STK10: variants seen among roughly 807,000 people sequenced by gnomAD.
The protein encoded by STK10 is serine/threonine-protein kinase 10.
In STK10, 78 loss-of-function variants were observed where a neutral mutation model predicts 113.8. The ratio of observed to expected loss-of-function variants is 0.69; its 90% CI spans 0.57 to 0.83. The LOEUF (loss-of-function observed/expected upper bound fraction) is 0.83. Ranked by LOEUF, STK10 falls within the 40% of genes least tolerant of loss-of-function variation. The pLI is 0.00. For synonymous variants in STK10, 465 were observed against 494.7 expected (o/e 0.94, Z 0.80); for missense variants, 1,109 against 1,280.1 (o/e 0.87, Z 2.04).
intron 2 of STK10, among the ~76,000 whole-genome samples, chr5:172,132,999 A>G (rs1442437424): frequency 1.3e-5 from 2 of 152,176 alleles, no homozygotes; most frequent in Non-Finnish European, 2.9e-5. Flanking sequence ...TGAAGGGTGA[A>G]TTTACCACGT....
In STK10 at chr5:172,184,693, C is replaced by A. The variant is rs536262188; in HGVS notation, c.156+3194G>T. 3.9e-5 allele frequency among the ~76,000 whole-genome samples: 6 copies of A among 152,234 alleles called. No homozygotes were observed. The South Asian group carries it at 1.2e-3, about 32-fold the overall frequency. On this transcript the variant is annotated intron_variant, in intron 1 of 18. Transcript: ENST00000176763. Reference sequence around the variant, plus strand: ...TTGAGACAGAGTCTCCCTCTGTCCCCCAGACTCGAGTGCAGCGGCATGATC... The same window carrying A: ...TTGAGACAGAGTCTCCCTCTGTCCCACAGACTCGAGTGCAGCGGCATGATC...
At chr5:172,083,533 A>G (rs13355273) in intron 10 of STK10, among the ~76,000 whole-genome samples, 21,387 of 152,230 alleles carry the variant, frequency 0.14, 1,594 homozygotes, top group Non-Finnish European at 0.16. Flanking sequence ...TTTGGTAATA[A>G]GCTTATGTTT....
intron 2 of STK10, among the ~76,000 whole-genome samples, chr5:172,150,436 A>C (rs1217732045): frequency 6.7e-6 from 1 of 149,830 alleles, no homozygotes; most frequent in African/African-American, 2.5e-5. Flanking sequence ...AGCCGAGATC[A>C]CGCCACTGCA....
intron 16 of STK10, among the ~76,000 whole-genome samples, chr5:172,055,361 T>A (rs1449509829): frequency 2.0e-5 from 3 of 152,062 alleles, no homozygotes; most frequent in Non-Finnish European, 4.4e-5. Context: ...TTTTAAAAAA[T>A]TATTTTTTTG....
chr5:172,060,535 CAG>C (rs1437962325), intron 14 of STK10, among the ~76,000 whole-genome samples: 2 of 152,230 alleles, frequency 1.3e-5, no homozygotes, highest in Admixed American at 1.3e-4. Context: ...ATCTATGAAG[CAG>C]AGAGTAAGTC....
intron 4 of STK10, chr5:172,108,168 AAC>A (rs772758730): frequency 7.9e-5 from 17 of 216,142 alleles, no homozygotes; most frequent in South Asian, 1.3e-4. Context: ...GCCCTAATGA[AAC>A]AGTCTTAAAT....
chr5:172,151,336 TTTTC>T (rs1008783708), intron 2 of STK10, among the ~76,000 whole-genome samples: 3 of 151,856 alleles, frequency 2.0e-5, no homozygotes, highest in Non-Finnish European at 2.9e-5. Flanking sequence ...TTTTTCTTTT[TTTTC>T]TTTTTCTTTT....
At chr5:172,085,005 G>A (rs1215214939) in intron 10 of STK10, among the ~76,000 whole-genome samples, 4 of 152,192 alleles carry the variant, frequency 2.6e-5, no homozygotes, top group Non-Finnish European at 2.9e-5. Context: ...AGTACTTTGG[G>A]AGGCCGAGTT....
chr5:172,093,290 A>G lies in STK10; in HGVS notation c.1554+122T>C. On this transcript the variant is annotated intron_variant, in intron 9 of 18. Coordinates refer to ENST00000176763, the MANE Select transcript of STK10 (RefSeq NM_005990.4). The surrounding 1 kb of genome is among the most constrained non-coding windows in gnomAD (Gnocchi z 4.1). The stretch of plus-strand genomic sequence containing the variant: ...AGATTAAACTATGAGTCAAACCCAA[A>G]ACCCCCTAATGAACCACTTAAAATG... The G allele has an allele frequency of 1.9e-6, 2 of 1,070,562 alleles. No individual in the cohort carries two copies. The highest frequency in any genetic ancestry group is 4.9e-5 in the East Asian group (2 of 41,160). The allele number at this position is 1,070,562 out of a possible 1,614,324, so 66.3% of individuals were successfully genotyped here.
intron 17 of STK10, among the ~76,000 whole-genome samples, chr5:172,054,017 G>A (rs1335741641): frequency 6.6e-6 from 1 of 152,206 alleles, no homozygotes; most frequent in Non-Finnish European, 1.5e-5. Context: ...TTTCCTCCAT[G>A]CCTCCCCACC....
rs558424603 is a variant in STK10 at position 172,136,504 on chromosome 5, G to T, written c.322-9083C>A. On this transcript the variant is annotated intron_variant, in intron 2 of 18. Coordinates refer to ENST00000176763, the MANE Select transcript of STK10 (RefSeq NM_005990.4). ...CCCAGCTACTCGGGAGGCTGAGGCA[G>T]GAGAATGGTGTGAACCCAGGAGGCA... is the stretch of plus-strand genomic sequence containing the variant. Among the ~76,000 whole-genome samples, 183 of 152,210 alleles carry T rather than the reference G, an allele frequency of 1.2e-3. 2 individuals carry two copies. The highest frequency in any genetic ancestry group is 4.2e-3 in the African/African-American group (173 of 41,522).
intron 7 of STK10, among the ~76,000 whole-genome samples, chr5:172,099,920 G>A (rs1295113769): frequency 6.6e-6 from 1 of 152,188 alleles, no homozygotes; most frequent in Non-Finnish European, 1.5e-5. Context: ...AGAATCATCT[G>A]CCCACTGCCT....
intron 4 of STK10, among the ~76,000 whole-genome samples, chr5:172,110,665 C>T (rs550894421): frequency 8.6e-5 from 13 of 151,484 alleles, no homozygotes; most frequent in African/African-American, 2.7e-4. Flanking sequence ...AGGAGGGGGC[C>T]GGGGGTGGAA....
At chr5:172,146,182 C>T (rs981846597) in intron 2 of STK10, among the ~76,000 whole-genome samples, 7 of 152,194 alleles carry the variant, frequency 4.6e-5, no homozygotes, top group African/African-American at 1.7e-4. Context: ...CGTGTCTGTG[C>T]CCCAGCACCT....
intron 18 of STK10, among the ~76,000 whole-genome samples, chr5:172,046,863 G>A (rs1767504997): frequency 6.6e-6 from 1 of 152,108 alleles, no homozygotes; most frequent in South Asian, 2.1e-4. Context: ...CATTGGCAGT[G>A]GTTTGCTAAC....
chr5:172,112,137 G>A (rs1769250314), intron 4 of STK10, among the ~76,000 whole-genome samples: 1 of 152,198 alleles, frequency 6.6e-6, no homozygotes. Context: ...GACTAACTTG[G>A]AAGTGTATCT....
chr5:172,067,804 G>A (rs1173242556), intron 12 of STK10, among the ~76,000 whole-genome samples: 1 of 151,988 alleles, frequency 6.6e-6, no homozygotes, highest in African/African-American at 2.4e-5. Context: ...TGAAAAAGAG[G>A]AAGGTTTCAG....
chr5:172,057,267 G>T, intron 15 of STK10, 82 bp downstream of exon 15: 1 of 1,530,250 alleles, frequency 6.5e-7, no homozygotes, highest in Non-Finnish European at 8.8e-7. Flanking sequence ...GCACCCAAGA[G>T]GTGCCCCATC....
intron 18 of STK10, among the ~76,000 whole-genome samples, chr5:172,051,070 G>A (rs10056147): frequency 0.36 from 53,454 of 149,952 alleles, 9,809 homozygotes; most frequent in Middle Eastern, 0.44. Context: ...CCGAGATAGC[G>A]CCACTCCGTC....
Sources: allele counts gnomAD v4.1 joint callset (sites outside exome capture counted in the v4.1 genomes callset), GRCh38; gene constraint gnomAD v4.1.1; non-coding constraint Gnocchi (gnomAD v3.1); transcripts MANE v1.5; gene names NCBI Gene and HGNC (gene_info 2026-07-23, HGNC 2026-07-21).